BTBD9: variants seen among roughly 807,000 people sequenced by gnomAD.
BTBD9 encodes the protein BTB domain containing 9.
BTBD9 carries 49 observed loss-of-function variants against 64.3 expected under a neutral mutation model. That is an observed-to-expected ratio of 0.76 (90% confidence interval 0.61 to 0.97). The LOEUF (loss-of-function observed/expected upper bound fraction) is 0.97. Among genes scored for constraint, BTBD9 ranks in the 50% least tolerant of loss-of-function variants. BTBD9 has a pLI of 0.00. For synonymous variants in BTBD9, 260 were observed against 274.7 expected, an observed-to-expected ratio of 0.95 and a Z score of 0.53; for missense variants, 598 against 762.1, an observed-to-expected ratio of 0.78 and a Z score of 2.53.
chr6:38,435,238 T>C (rs1478708984), intron 6 of BTBD9, among the ~76,000 whole-genome samples: 1 of 151,526 alleles, frequency 6.6e-6, no homozygotes, highest in Non-Finnish European at 1.5e-5. Flanking sequence ...CTATGTTCCA[T>C]ATCCTCAGTA....
At chr6:38,194,296 T>C (rs1762200318) in intron 9 of BTBD9, among the ~76,000 whole-genome samples, 1 of 152,218 alleles carries the variant, frequency 6.6e-6, no homozygotes, top group Admixed American at 6.5e-5. Flanking sequence ...AGGTTCACAC[T>C]GTTTGGGACA....
chr6:38,250,963 T>A (rs895703943), intron 9 of BTBD9, among the ~76,000 whole-genome samples: 4 of 151,756 alleles, frequency 2.6e-5, no homozygotes, highest in African/African-American at 9.7e-5. Context: ...GTGCCTGTAA[T>A]CTCAGCTACT....
At chr6:38,597,846 A>G (rs907118083) in intron 2 of BTBD9, 64 bp downstream of exon 2, 7 of 1,366,474 alleles carry the variant, frequency 5.1e-6, no homozygotes, top group Non-Finnish European at 2.1e-6. Flanking sequence ...TTTTTCATAG[A>G]GCAGAAAATA....
chr6:38,308,746 C>A (rs1762718199), intron 7 of BTBD9, among the ~76,000 whole-genome samples: 1 of 152,028 alleles, frequency 6.6e-6, no homozygotes, highest in African/African-American at 2.4e-5. Context: ...GCTGGGACTA[C>A]AGGTATGTGC....
At chr6:38,637,264 T>C (rs971954963) in intron 1 of BTBD9, among the ~76,000 whole-genome samples, 2 of 152,210 alleles carry the variant, frequency 1.3e-5, no homozygotes, top group Admixed American at 6.5e-5. Context: ...TTCTTTGTCT[T>C]CCCAGCACCC....
intron 6 of BTBD9, among the ~76,000 whole-genome samples, chr6:38,424,785 G>C (rs1158836579): frequency 1.3e-5 from 2 of 151,672 alleles, no homozygotes; most frequent in Non-Finnish European, 2.9e-5. Context: ...CCAAAGGCCT[G>C]GGATTACAGG....
At chr6:38,570,470 G>A (rs751751323) in intron 6 of BTBD9, among the ~76,000 whole-genome samples, 2 of 152,166 alleles carry the variant, frequency 1.3e-5, no homozygotes, top group Non-Finnish European at 2.9e-5. Context: ...AAGGTAATGA[G>A]ATGTGCCTGA....
chr6:38,327,177 C>G (rs954598496), intron 7 of BTBD9, among the ~76,000 whole-genome samples: 2 of 151,798 alleles, frequency 1.3e-5, no homozygotes, highest in African/African-American at 4.8e-5. Context: ...CAAATCCTGT[C>G]TTAAAAAAAA....
intron 6 of BTBD9, among the ~76,000 whole-genome samples, chr6:38,534,483 A>G (rs957983631): frequency 2.2e-4 from 33 of 151,654 alleles, no homozygotes; most frequent in Middle Eastern, 3.4e-3. Flanking sequence ...TTCAAAAAAA[A>G]AAAAAAAATA....
chr6:38,502,891 A>G (rs1352304732), intron 6 of BTBD9, among the ~76,000 whole-genome samples: 1 of 152,194 alleles, frequency 6.6e-6, no homozygotes, highest in East Asian at 1.9e-4. Context: ...AATAAGCTTT[A>G]CTGTCCAAGA....
chr6:38,467,294 T>C (rs1450033574), intron 6 of BTBD9, among the ~76,000 whole-genome samples: 1 of 152,226 alleles, frequency 6.6e-6, no homozygotes, highest in African/African-American at 2.4e-5. Context: ...TCAAAGTTTC[T>C]TCCCCTACAG....
chr6:38,475,290 T>C (rs1019020500), intron 6 of BTBD9, among the ~76,000 whole-genome samples: 1 of 152,188 alleles, frequency 6.6e-6, no homozygotes, highest in Non-Finnish European at 1.5e-5. Flanking sequence ...TCAATAGTAA[T>C]ACTTATATTC....
chr6:38,304,568 A>C (rs1348908771), intron 7 of BTBD9, among the ~76,000 whole-genome samples: 8 of 152,000 alleles, frequency 5.3e-5, no homozygotes, highest in Admixed American at 1.3e-4. Flanking sequence ...AAAAAAAAAA[A>C]AAAACCAACA....
At chr6:38,503,881 C>A (rs771913980) in intron 6 of BTBD9, among the ~76,000 whole-genome samples, 3 of 152,180 alleles carry the variant, frequency 2.0e-5, no homozygotes, top group Admixed American at 6.5e-5. Context: ...AAAATCATAA[C>A]TCTGCCAAAA....
chr6:38,307,359 T>C (rs1372039325), intron 7 of BTBD9, among the ~76,000 whole-genome samples: 8 of 152,276 alleles, frequency 5.3e-5, no homozygotes, highest in Non-Finnish European at 1.0e-4. Context: ...TAGTTTTATC[T>C]ATCAGGTTAA....
At chr6:38,331,203 G>A (rs1763663689) in intron 7 of BTBD9, among the ~76,000 whole-genome samples, 1 of 152,262 alleles carries the variant, frequency 6.6e-6, no homozygotes, top group African/African-American at 2.4e-5. Context: ...CAACAGGCCA[G>A]GCGTGGTGGC....
intron 7 of BTBD9, among the ~76,000 whole-genome samples, chr6:38,290,730 A>T (rs114380648): frequency 7.0e-4 from 107 of 152,246 alleles, no homozygotes; most frequent in African/African-American, 2.5e-3. Context: ...CTTTGTACAT[A>T]TTTCATTGTC....
At chr6:38,221,602 G>C (rs1165711159) in intron 9 of BTBD9, among the ~76,000 whole-genome samples, 2 of 152,196 alleles carry the variant, frequency 1.3e-5, no homozygotes, top group African/African-American at 2.4e-5. Context: ...AATGCCACAA[G>C]CATTATGTGG....
At chr6:38,190,397 C>T (rs6938410) in intron 10 of BTBD9, among the ~76,000 whole-genome samples, 2 of 147,670 alleles carry the variant, frequency 1.4e-5, no homozygotes, top group African/African-American at 5.0e-5. Context: ...TGGACGCAGG[C>T]GGCAGAAGTT....
Sources: allele counts gnomAD v4.1 joint callset (sites outside exome capture counted in the v4.1 genomes callset), GRCh38; gene constraint gnomAD v4.1.1; transcripts MANE v1.5; gene names NCBI Gene and HGNC (gene_info 2026-07-23, HGNC 2026-07-21).